The following CDK14 variants were observed in gnomAD, a reference collection of about 807,000 sequenced individuals.
CDK14 encodes cyclin-dependent kinase 14.
In CDK14, 34 loss-of-function variants were observed where a neutral mutation model predicts 60.7. The ratio of observed to expected loss-of-function variants is 0.56; its 90% CI spans 0.43 to 0.75. The LOEUF (loss-of-function observed/expected upper bound fraction) is 0.75. Ranked by LOEUF, CDK14 falls within the 30% of genes least tolerant of loss-of-function variation. The pLI is 0.00. For missense variants in CDK14, 482 were observed against 564.1 expected (o/e 0.85, Z 1.47); for synonymous variants, 197 against 203.7 (o/e 0.97, Z 0.28).
chr7:90,640,709 G>T (rs1563026405), intron 2 of CDK14, among the ~76,000 whole-genome samples: 2 of 152,046 alleles, frequency 1.3e-5, no homozygotes, highest in East Asian at 3.9e-4. Flanking sequence ...GAGATCATCA[G>T]AGTGTTCTAA....
At chr7:90,836,134 T>C (rs1439117975) in intron 5 of CDK14, among the ~76,000 whole-genome samples, 2 of 152,190 alleles carry the variant, frequency 1.3e-5, no homozygotes, top group African/African-American at 4.8e-5. Flanking sequence ...ATAAATACTG[T>C]ATAATTAGGC....
intron 5 of CDK14, among the ~76,000 whole-genome samples, chr7:90,818,393 A>G (rs1789430198): frequency 6.6e-6 from 1 of 152,198 alleles, no homozygotes; most frequent in East Asian, 1.9e-4. Context: ...ATCAAACTGA[A>G]AATGGGAAAA....
chr7:91,089,264 A>C (rs1798732334), intron 12 of CDK14, among the ~76,000 whole-genome samples: 1 of 152,180 alleles, frequency 6.6e-6, no homozygotes, highest in African/African-American at 2.4e-5. Context: ...TAAAACAAAG[A>C]AAAAATGACT....
At chr7:90,878,093 TGAGAGA>T (rs1032159968) in intron 6 of CDK14, among the ~76,000 whole-genome samples, 2 of 149,660 alleles carry the variant, frequency 1.3e-5, no homozygotes, top group Non-Finnish European at 3.0e-5. Context: ...TGTGTGTGTG[TGAGAGA>T]GAGAGAGAGA....
chr7:90,906,008 A>G lies in CDK14; in HGVS notation c.702+6655A>G, dbSNP rs140183480. Reference sequence around the variant, plus strand: ...TTGCTGAGAGACAAGGGTCTCCTCCAGAGTTGCTTTAGGATATGAACTGCA... The same window carrying G: ...TTGCTGAGAGACAAGGGTCTCCTCCGGAGTTGCTTTAGGATATGAACTGCA... On this transcript the variant is annotated intron_variant, in intron 7 of 14. Transcript: ENST00000380050. 1.9e-3 allele frequency among the ~76,000 whole-genome samples: 286 copies of G among 152,290 alleles called. 3 individuals carry two copies. The highest frequency in any genetic ancestry group is 2.9e-3 in the Non-Finnish European group (195 of 68,010).
At chr7:90,651,880 G>A (rs574160310) in intron 2 of CDK14, among the ~76,000 whole-genome samples, 150 of 152,110 alleles carry the variant, frequency 9.9e-4, no homozygotes, top group Non-Finnish European at 2.0e-3. Context: ...TGAGTAGTTT[G>A]GTTCAGTCTG....
At chr7:90,887,279 G>A (rs1456209954) in intron 6 of CDK14, among the ~76,000 whole-genome samples, 1 of 152,072 alleles carries the variant, frequency 6.6e-6, no homozygotes, top group East Asian at 1.9e-4. Context: ...TTGAGTTTGA[G>A]AAACCTAATT....
At chr7:90,871,839 AT>A (rs1358200745) in intron 6 of CDK14, among the ~76,000 whole-genome samples, 2 of 152,174 alleles carry the variant, frequency 1.3e-5, no homozygotes, top group African/African-American at 4.8e-5. Context: ...GCTACATCAT[AT>A]CATCTCCTGA....
intron 9 of CDK14, among the ~76,000 whole-genome samples, chr7:90,972,463 C>G (rs1185977742): frequency 1.3e-5 from 2 of 152,132 alleles, no homozygotes; most frequent in East Asian, 3.8e-4. Context: ...CTTTTTGAAG[C>G]TGACCTCCTA....
intron 10 of CDK14, among the ~76,000 whole-genome samples, chr7:91,024,156 G>GATA (rs1026341686): frequency 6.6e-6 from 1 of 150,674 alleles, no homozygotes; most frequent in Admixed American, 6.6e-5. Context: ...TGATGATAAT[G>GATA]ATGTCAGCTG....
At chr7:91,025,417 T>C (rs1187048432) in intron 10 of CDK14, among the ~76,000 whole-genome samples, 1 of 152,164 alleles carries the variant, frequency 6.6e-6, no homozygotes, top group Non-Finnish European at 1.5e-5. Flanking sequence ...CAGGAGGTAG[T>C]TTAAGGCCTA....
At chr7:90,706,907 T>G (rs980027362) in intron 2 of CDK14, among the ~76,000 whole-genome samples, 7 of 152,088 alleles carry the variant, frequency 4.6e-5, no homozygotes, top group African/African-American at 1.7e-4. Context: ...CCCTCTTGCT[T>G]CAGGGGAGAC....
intron 4 of CDK14, among the ~76,000 whole-genome samples, chr7:90,777,438 T>A (rs1584881712): frequency 6.6e-6 from 1 of 152,218 alleles, no homozygotes; most frequent in African/African-American, 2.4e-5. Flanking sequence ...GAAGCTGGTG[T>A]TGGAACCTGA....
At chr7:90,740,614 T>A (rs1005308949) in intron 3 of CDK14, among the ~76,000 whole-genome samples, 1 of 152,178 alleles carries the variant, frequency 6.6e-6, no homozygotes, top group Admixed American at 6.5e-5. Flanking sequence ...ACCTTGATCT[T>A]GGACTTCTAG....
At chr7:91,020,709 A>G (rs1283529818) in intron 10 of CDK14, among the ~76,000 whole-genome samples, 1 of 152,090 alleles carries the variant, frequency 6.6e-6, no homozygotes. Context: ...GGACATGCCT[A>G]TTATTTTTCC....
chr7:90,604,261 T>A lies in CDK14; in HGVS notation c.123+12T>A. On this transcript the variant is annotated intron_variant, in intron 2 of 14. Transcript: ENST00000380050. Reference sequence around the variant, plus strand: ...CCACCTTTGATGAGGTAGGTTAAATTTCTTTATCTAATGTTAGATGTATTT... The same window carrying A: ...CCACCTTTGATGAGGTAGGTTAAATATCTTTATCTAATGTTAGATGTATTT... The A allele has an allele frequency of 6.6e-7, 1 of 1,504,588 alleles. No homozygotes were observed. 93.2% of individuals were successfully genotyped at this position (1,504,588 alleles called of 1,614,324 possible). A position where few individuals can be genotyped will look rare whatever the true frequency, so the allele number is the denominator to read the frequency against.
intron 5 of CDK14, among the ~76,000 whole-genome samples, chr7:90,812,691 A>T (rs1789182445): frequency 6.6e-6 from 1 of 152,202 alleles, no homozygotes; most frequent in African/African-American, 2.4e-5. Context: ...ATCATAAAGG[A>T]CATGAAAATT....
intron 7 of CDK14, among the ~76,000 whole-genome samples, chr7:90,915,264 G>A (rs1448082704): frequency 5.9e-5 from 9 of 152,104 alleles, no homozygotes; most frequent in East Asian, 3.9e-4. Context: ...GTGAAACCCC[G>A]TCTCTACTAA....
At position 90,790,669 on chromosome 7, in the gene CDK14, G is replaced by A; in HGVS notation, c.544+17G>A. 1 of 1,565,584 alleles carries A rather than the reference G, an allele frequency of 6.4e-7. No individual in the cohort carries two copies. Among genetic ancestry groups the A allele is most frequent in the Non-Finnish European group, 8.8e-7 (1 of 1,138,150 alleles). ...TCAGGGAAGGTAGGCACTTTTCCTT[G>A]TTGATATTGCTTTTGTGTTTCTATG... is the stretch of plus-strand genomic sequence containing the variant. On this transcript the variant is annotated intron_variant, in intron 5 of 14. Transcript: ENST00000380050.
Sources: gnomAD v4.1 joint callset for allele counts (sites outside exome capture counted in the v4.1 genomes callset) on GRCh38, gnomAD v4.1.1 for gene constraint, MANE v1.5 for transcripts, NCBI Gene and HGNC (gene_info 2026-07-23, HGNC 2026-07-21) for gene names.